The following BCORL1 variants were observed in gnomAD, a reference collection of about 807,000 sequenced individuals.
The protein encoded by BCORL1 is BCL-6 corepressor-like protein 1.
BCORL1 carries 7 observed loss-of-function variants against 87.6 expected under a neutral mutation model. The ratio of observed to expected loss-of-function variants is 0.08; its 90% CI spans 0.05 to 0.15. BCORL1 has a LOEUF of 0.15. BCORL1 is among the 10% of genes least tolerant of loss of function. The pLI is 1.00. For missense variants in BCORL1, 1,215 were observed against 1,499.7 expected (o/e 0.81, Z 3.13); for synonymous variants, 591 against 634.4 (o/e 0.93, Z 1.03).
intron 5 of BCORL1, 75 bp from the exon 6 acceptor site, chrX:130,022,822 C>T (rs1417461452): frequency 1.1e-6 from 1 of 910,562 alleles, no homozygotes; most frequent in Non-Finnish European, 1.6e-6. Context: ...CCGAGCCTCA[C>T]AGGTGGGCTT....
At chrX:130,045,742 C>T (rs1248305526) in intron 11 of BCORL1, among the ~76,000 whole-genome samples, 1 of 110,771 alleles carries the variant, frequency 9.0e-6, no homozygotes, top group Non-Finnish European at 1.9e-5. Flanking sequence ...CTCAGCCTCC[C>T]GAGTAGCTGG....
In BCORL1 at chrX:129,995,009, C is replaced by CT. The variant is rs753903771; in HGVS notation, c.-44-10167dup. Among the ~76,000 whole-genome samples the CT allele has an allele frequency of 2.4e-3, 250 of 103,927 alleles. No individual in the cohort carries two copies. The Middle Eastern group carries it at 0.03, about 12-fold the overall frequency. The allele number at this position is 103,927 out of a possible 115,157, so 90.2% of individuals were successfully genotyped here. A position where few individuals can be genotyped will look rare whatever the true frequency, so the allele number is the denominator to read the frequency against. On this transcript the variant is annotated intron_variant, in intron 1 of 13. Coordinates refer to ENST00000540052, the MANE Select transcript of BCORL1 (RefSeq NM_001379451.1). ...GTTTGGGGGCATGTCTATGGGACTT[C>CT]TTTTTTTTTTTTCCAAGACAGAGTC...
At chrX:130,055,115 C>T (rs1165333179) in intron 13 of BCORL1, among the ~76,000 whole-genome samples, 1 of 111,100 alleles carries the variant, frequency 9.0e-6, no homozygotes, top group Admixed American at 9.6e-5. Context: ...GGGGAGGCAG[C>T]GTTTCTTCCC....
intron 4 of BCORL1, 82 bp downstream of exon 4, chrX:130,016,295 C>G: frequency 9.2e-7 from 1 of 1,082,626 alleles, no homozygotes. Context: ...TCCTGTGACC[C>G]CTACCCTGTG....
chrX:129,988,881 G>A (rs1257812618), intron 1 of BCORL1, among the ~76,000 whole-genome samples: 1 of 111,905 alleles, frequency 8.9e-6, no homozygotes, highest in Admixed American at 9.5e-5. Context: ...TTGTGGAGAA[G>A]TGCACCGTAT....
At chrX:129,998,292 TC>T (rs1377373202) in intron 1 of BCORL1, among the ~76,000 whole-genome samples, 1 of 108,388 alleles carries the variant, frequency 9.2e-6, no homozygotes, top group African/African-American at 3.4e-5. Context: ...CCAGGTTTCT[TC>T]CAAGTTCCTT....
At chrX:130,048,716 CAGTA>C (rs57820449) in intron 11 of BCORL1, among the ~76,000 whole-genome samples, 1,140 of 112,307 alleles carry the variant, frequency 0.01, 10 homozygotes, top group African/African-American at 0.035. Context: ...AATTAAGTGA[CAGTA>C]AGTACATTCA....
chrX:129,982,427 C>T (rs1926185483), upstream of BCORL1, among the ~76,000 whole-genome samples: 2 of 111,043 alleles, frequency 1.8e-5, no homozygotes, highest in African/African-American at 3.3e-5. Flanking sequence ...GTCCCTCCCT[C>T]TCTTGCTCGC....
chrX:130,021,402 A>G (rs1231885706), intron 5 of BCORL1: 1 of 418,569 alleles, frequency 2.4e-6, no homozygotes, highest in East Asian at 2.0e-4. Context: ...CACCAGGCCC[A>G]CAACACAGTA....
intron 1 of BCORL1, among the ~76,000 whole-genome samples, chrX:129,990,924 T>G (rs895860739): frequency 1.8e-5 from 2 of 111,089 alleles, no homozygotes; most frequent in African/African-American, 6.6e-5. Context: ...ATTAATTAAT[T>G]TATTTGTTTA....
chrX:130,003,665 C>T (rs775115608), intron 1 of BCORL1, among the ~76,000 whole-genome samples: 1 of 111,955 alleles, frequency 8.9e-6, no homozygotes, highest in East Asian at 2.8e-4. Flanking sequence ...GCCACTGCAC[C>T]TGGCCTGTTG....
chrX:130,044,965 A>G (rs1020185988), intron 11 of BCORL1, among the ~76,000 whole-genome samples: 1 of 112,533 alleles, frequency 8.9e-6, no homozygotes, highest in African/African-American at 3.2e-5. Flanking sequence ...TCCTGAGATC[A>G]TGAAGGATGG....
intron 9 of BCORL1, among the ~76,000 whole-genome samples, chrX:130,036,514 G>A (rs1234311501): frequency 8.9e-6 from 1 of 112,190 alleles, no homozygotes; most frequent in African/African-American, 3.2e-5. Context: ...GCCCGCCTCA[G>A]CCTCCCAAAG....
At chrX:129,987,756 C>T (rs1926755569) in intron 1 of BCORL1, among the ~76,000 whole-genome samples, 1 of 111,626 alleles carries the variant, frequency 9.0e-6, no homozygotes, top group Admixed American at 9.5e-5. Context: ...GGACTGGAGG[C>T]CACATGGAGT....
chrX:130,033,794 C>T (rs1930767683), intron 8 of BCORL1, among the ~76,000 whole-genome samples: 1 of 110,802 alleles, frequency 9.0e-6, no homozygotes. Flanking sequence ...ACCAGACTGG[C>T]CAATGTGGCG....
intron 1 of BCORL1, among the ~76,000 whole-genome samples, chrX:129,996,958 C>T (rs1441785112): frequency 1.8e-5 from 2 of 111,475 alleles, no homozygotes; most frequent in African/African-American, 6.5e-5. Flanking sequence ...CAGTGCCTAC[C>T]TCAGTCAAAA....
intron 6 of BCORL1, 75 bp from the exon 7 acceptor site, chrX:130,024,915 C>T (rs1158880233): frequency 1.7e-6 from 2 of 1,149,388 alleles, no homozygotes; most frequent in Non-Finnish European, 2.3e-6. Context: ...ACTCCTAGTC[C>T]AGGGCATTCA....
intron 11 of BCORL1, among the ~76,000 whole-genome samples, chrX:130,047,379 C>T (rs919321614): frequency 3.6e-5 from 4 of 111,648 alleles, no homozygotes; most frequent in Non-Finnish European, 5.6e-5. Context: ...TGTGAACGTC[C>T]GTGAGGAAAT....
chrX:130,003,394 C>T (rs1276775662), intron 1 of BCORL1, among the ~76,000 whole-genome samples: 1 of 95,171 alleles, frequency 1.1e-5, no homozygotes, highest in Non-Finnish European at 2.0e-5. Context: ...TTTTTTGAGA[C>T]AGAGTTTCAC....
Sources: gnomAD v4.1 joint callset for allele counts (sites outside exome capture counted in the v4.1 genomes callset) on GRCh38, gnomAD v4.1.1 for gene constraint, MANE v1.5 for transcripts, NCBI Gene and HGNC (gene_info 2026-07-23, HGNC 2026-07-21) for gene names.